The following AIG1 variants were observed in gnomAD, a reference collection of about 807,000 sequenced individuals.
The protein encoded by AIG1 is androgen-induced gene 1 protein.
In AIG1, 23 loss-of-function variants were observed where a neutral mutation model predicts 31.4. The ratio of observed to expected loss-of-function variants is 0.73; its 90% CI spans 0.53 to 1.04. The LOEUF (loss-of-function observed/expected upper bound fraction) is 1.04. Among genes scored for constraint, AIG1 ranks in the 50% least tolerant of loss-of-function variants. AIG1 has a pLI of 0.00. For missense variants in AIG1, 274 were observed against 295.0 expected, an observed-to-expected ratio of 0.93 and a Z score of 0.52; for synonymous variants, 100 against 110.5, an observed-to-expected ratio of 0.90 and a Z score of 0.60.
chr6:143,092,250 G>A (rs1390743263), intron 1 of AIG1, among the ~76,000 whole-genome samples: 2 of 150,314 alleles, frequency 1.3e-5, no homozygotes, highest in Non-Finnish European at 3.0e-5. Context: ...GACTACAGGT[G>A]TGCATCACCA....
At chr6:143,098,439 G>T (rs528382627) in intron 1 of AIG1, among the ~76,000 whole-genome samples, 1 of 152,180 alleles carries the variant, frequency 6.6e-6, no homozygotes, top group Admixed American at 6.5e-5. Flanking sequence ...TCCCTTACTG[G>T]TTCCTCTTCC....
At chr6:143,203,157 G>C (rs938341501) in intron 3 of AIG1, among the ~76,000 whole-genome samples, 1 of 152,118 alleles carries the variant, frequency 6.6e-6, no homozygotes, top group Non-Finnish European at 1.5e-5. Flanking sequence ...TTTAAATTCT[G>C]AATATGACTG....
In AIG1 at chr6:143,328,037, C is replaced by G. The variant is rs897332079; in HGVS notation, c.516-5245C>G. Among the ~76,000 whole-genome samples, 2 of 152,076 alleles carry G rather than the reference C, an allele frequency of 1.3e-5. No homozygotes were observed. The highest frequency in any genetic ancestry group is 4.8e-5 in the African/African-American group (2 of 41,394). ...TGAATGAACTCATCAACTGAGAATG[C>G]ATAAGAGAAAACAGTTTGGAAACCA... On this transcript the variant is annotated intron_variant, in intron 4 of 5. Transcript: ENST00000357847. The surrounding 1 kb of genome is among the most constrained non-coding windows in gnomAD (Gnocchi z 4.0).
Position 143,246,271 on chromosome 6 carries a change from CAAA to C in AIG1, c.400-37829_400-37827del, listed in dbSNP as rs34362079. On this transcript the variant is annotated intron_variant, in intron 3 of 5. Transcript: ENST00000357847. ...GACATACCTGAGACTGGGCAATTTACAAAAAAAAAAAAGAGGTTTAATGGACTT... is the reference window on the plus strand; with the variant it reads ...GACATACCTGAGACTGGGCAATTTACAAAAAAAAAGAGGTTTAATGGACTT... Among the ~76,000 whole-genome samples, 22 of 145,816 alleles carry C rather than the reference CAAA, an allele frequency of 1.5e-4. No individual in the cohort carries two copies. The South Asian group carries it at 4.3e-3, about 28-fold the overall frequency.
intron 4 of AIG1, among the ~76,000 whole-genome samples, chr6:143,323,385 T>G (rs1415443235): frequency 6.6e-6 from 1 of 152,150 alleles, no homozygotes; most frequent in Non-Finnish European, 1.5e-5. Context: ...TTCTGTACAT[T>G]TGGGCTAGCT....
At chr6:143,132,365 G>GT (rs1300243593) in intron 1 of AIG1, among the ~76,000 whole-genome samples, 8 of 152,004 alleles carry the variant, frequency 5.3e-5, no homozygotes, top group African/African-American at 9.7e-5. Flanking sequence ...ACCTTTGAGA[G>GT]TTTTTTCTCC....
chr6:143,134,403 T>A (rs1380585093), intron 1 of AIG1, among the ~76,000 whole-genome samples: 1 of 151,558 alleles, frequency 6.6e-6, no homozygotes, highest in Non-Finnish European at 1.5e-5. Flanking sequence ...TTCCTTTTTT[T>A]TTTTTTTTTT....
chr6:143,237,801 T>G (rs1583590642), intron 3 of AIG1, among the ~76,000 whole-genome samples: 1 of 152,216 alleles, frequency 6.6e-6, no homozygotes, highest in African/African-American at 2.4e-5. Flanking sequence ...AGCTTTTGGC[T>G]ACAAGTGAGA....
intron 2 of AIG1, among the ~76,000 whole-genome samples, chr6:143,137,474 A>C (rs1783869236): frequency 6.6e-6 from 1 of 152,180 alleles, no homozygotes; most frequent in South Asian, 2.1e-4. Flanking sequence ...TCAGTCTATC[A>C]GTTTCTTAAG....
intron 3 of AIG1, chr6:143,190,182 T>C: frequency 5.1e-6 from 5 of 985,156 alleles, no homozygotes; most frequent in Non-Finnish European, 6.0e-6. Context: ...ATTCAGCCCA[T>C]AGCAGGATGA....
At chr6:143,209,175 C>T (rs1464904511) in intron 3 of AIG1, among the ~76,000 whole-genome samples, 1 of 152,188 alleles carries the variant, frequency 6.6e-6, no homozygotes, top group Non-Finnish European at 1.5e-5. Flanking sequence ...TAACAAGAAG[C>T]AAATGTATAT....
Position 143,107,743 on chromosome 6 carries a change from G to T in AIG1, c.142-29092G>T, listed in dbSNP as rs868333258. ...GGACATATTCTGTAATAGTTTTCTG[G>T]GCCCTCGAGTTATAAGTCATTTCTG... On this transcript the variant is annotated intron_variant, in intron 1 of 5. Coordinates refer to ENST00000357847, the MANE Select transcript of AIG1 (RefSeq NM_016108.4). Among the ~76,000 whole-genome samples, 16 of 152,126 alleles carry T rather than the reference G, an allele frequency of 1.1e-4. No individual in the cohort carries two copies. The South Asian group carries it at 3.3e-3, about 31-fold the overall frequency.
chr6:143,214,738 T>C (rs1214906261), intron 3 of AIG1, among the ~76,000 whole-genome samples: 5 of 152,086 alleles, frequency 3.3e-5, no homozygotes, highest in African/African-American at 1.2e-4. Context: ...CTGGGTGTGA[T>C]TTTTACTCAC....
chr6:143,174,832 A>T (rs995809034), intron 3 of AIG1, among the ~76,000 whole-genome samples: 2 of 152,208 alleles, frequency 1.3e-5, no homozygotes, highest in Non-Finnish European at 2.9e-5. Context: ...GATATGAGCT[A>T]TTATGCTATT....
chr6:143,304,236 G>T (rs1194298485), intron 4 of AIG1, among the ~76,000 whole-genome samples: 11 of 151,192 alleles, frequency 7.3e-5, no homozygotes, highest in Admixed American at 3.3e-4. Flanking sequence ...CTGCCTAATT[G>T]CCCTGGCCAG....
chr6:143,203,717 T>A (rs1345957508), intron 3 of AIG1, among the ~76,000 whole-genome samples: 1 of 152,186 alleles, frequency 6.6e-6, no homozygotes, highest in Non-Finnish European at 1.5e-5. Flanking sequence ...ATGAATATCC[T>A]TGGTTGGATC....
At chr6:143,089,815 A>G (rs75091102) in intron 1 of AIG1, among the ~76,000 whole-genome samples, 1 of 152,134 alleles carries the variant, frequency 6.6e-6, no homozygotes, top group Non-Finnish European at 1.5e-5. Context: ...CCCCCCAGAG[A>G]GGGGATTTAC....
At chr6:143,233,579 C>CA (rs67282019) in intron 3 of AIG1, among the ~76,000 whole-genome samples, 47,055 of 120,284 alleles carry the variant, frequency 0.39, 9,350 homozygotes, top group East Asian at 0.83. Flanking sequence ...ATTTATGGAC[C>CA]AAAAAAAAAA....
chr6:143,138,766 T>C (rs1200893445), intron 2 of AIG1, among the ~76,000 whole-genome samples: 1 of 151,568 alleles, frequency 6.6e-6, no homozygotes. Context: ...GGTGGTGGGC[T>C]CCTTTAGTCC....
Sources: gnomAD v4.1 joint callset for allele counts (sites outside exome capture counted in the v4.1 genomes callset) on GRCh38, gnomAD v4.1.1 for gene constraint, Gnocchi (gnomAD v3.1) non-coding constraint, MANE v1.5 for transcripts, NCBI Gene and HGNC (gene_info 2026-07-23, HGNC 2026-07-21) for gene names.